TSHZ2: variants seen among roughly 807,000 people sequenced by gnomAD.
TSHZ2 encodes the protein teashirt zinc finger homeobox 2, also known as teashirt homolog 2.
In TSHZ2, 21 loss-of-function variants were observed where a neutral mutation model predicts 74.4. The ratio of observed to expected loss-of-function variants is 0.28; its 90% CI spans 0.20 to 0.41. The LOEUF (loss-of-function observed/expected upper bound fraction) is 0.41, where lower values mean the gene tolerates loss of function less well. Ranked by LOEUF, TSHZ2 falls within the 10% of genes least tolerant of loss-of-function variation. The pLI, the probability that TSHZ2 is intolerant of heterozygous loss-of-function variation, is 1.00. For synonymous variants in TSHZ2, 540 were observed against 515.3 expected (o/e 1.05, Z -0.65); for missense variants, 1,244 against 1,293.5 (o/e 0.96, Z 0.59).
intron 1 of TSHZ2, among the ~76,000 whole-genome samples, chr20:53,224,862 A>G (rs1238322341): frequency 6.6e-6 from 1 of 152,036 alleles, no homozygotes; most frequent in Non-Finnish European, 1.5e-5. Context: ...AAAAAAAAAA[A>G]AAAAAAAAGA....
At chr20:53,094,217 A>G (rs966637910) in intron 1 of TSHZ2, among the ~76,000 whole-genome samples, 1 of 152,238 alleles carries the variant, frequency 6.6e-6, no homozygotes, top group Non-Finnish European at 1.5e-5. Context: ...TTCTTTACAG[A>G]AAACATTTGC....
At chr20:53,363,321 A>C (rs1358989381) in intron 2 of TSHZ2, among the ~76,000 whole-genome samples, 3 of 152,220 alleles carry the variant, frequency 2.0e-5, no homozygotes, top group African/African-American at 7.2e-5. Flanking sequence ...TTAGAAGCCC[A>C]ACCTAACGTG....
chr20:53,237,451 A>G (rs1243111432), intron 1 of TSHZ2, among the ~76,000 whole-genome samples: 5 of 152,118 alleles, frequency 3.3e-5, no homozygotes, highest in Non-Finnish European at 5.9e-5. Flanking sequence ...TTTGTGCAAG[A>G]TGATATTGAC....
At chr20:53,238,665 A>G (rs1473013922) in intron 1 of TSHZ2, among the ~76,000 whole-genome samples, 1 of 152,022 alleles carries the variant, frequency 6.6e-6, no homozygotes, top group African/African-American at 2.4e-5. Flanking sequence ...GGATGTCTAT[A>G]TTGTTTTTGC....
chr20:53,019,116 C>CT (rs1983143204), intron 1 of TSHZ2, among the ~76,000 whole-genome samples: 2 of 152,154 alleles, frequency 1.3e-5, no homozygotes, highest in Non-Finnish European at 2.9e-5. Context: ...GTGCTGTACT[C>CT]TTTTCTGGCC....
intron 1 of TSHZ2, among the ~76,000 whole-genome samples, chr20:53,129,520 A>G (rs569445055): frequency 1.3e-5 from 2 of 152,328 alleles, no homozygotes; most frequent in African/African-American, 4.8e-5. Flanking sequence ...TATAGCTATA[A>G]TATATCAATA....
chr20:53,459,351 T>A (rs528265710), intron 2 of TSHZ2, among the ~76,000 whole-genome samples: 2 of 152,286 alleles, frequency 1.3e-5, no homozygotes, highest in Admixed American at 1.3e-4. Context: ...TGGTTTAAAG[T>A]CTGTTTTATC....
intron 2 of TSHZ2, among the ~76,000 whole-genome samples, chr20:53,346,753 G>A (rs1980456345): frequency 6.6e-6 from 1 of 152,236 alleles, no homozygotes; most frequent in Non-Finnish European, 1.5e-5. Flanking sequence ...GTAGGTCATT[G>A]AGCATGGATT....
chr20:53,048,224 C>T (rs571948050), intron 1 of TSHZ2, among the ~76,000 whole-genome samples: 1 of 152,184 alleles, frequency 6.6e-6, no homozygotes, highest in Non-Finnish European at 1.5e-5. Flanking sequence ...CCCATTCTGA[C>T]TTCTGGCCTT....
At position 53,073,766 on chromosome 20, in the gene TSHZ2, A is replaced by C. The variant is rs562324266; in HGVS notation, c.40+100433A>C. Among the ~76,000 whole-genome samples the C allele has an allele frequency of 2.6e-5, 4 of 152,344 alleles. No individual in the cohort carries two copies. In the East Asian group the frequency reaches 5.8e-4, roughly 22 times the overall value. ...ACTCCATTCCGTCAAGTTAAAAAAA[A>C]AAACTGGTCTATTTTCAGTTTTAGG... On this transcript the variant is annotated intron_variant, in intron 1 of 2. Transcript: ENST00000371497.
chr20:53,053,639 G>A (rs1303992912), intron 1 of TSHZ2, among the ~76,000 whole-genome samples: 1 of 151,992 alleles, frequency 6.6e-6, no homozygotes, highest in Non-Finnish European at 1.5e-5. Flanking sequence ...GTGCTCTTTA[G>A]GGAAATCAAT....
chr20:53,228,103 AACACACAC>A lies in TSHZ2; in HGVS notation c.41-25363_41-25356del, dbSNP rs10561638. Among the ~76,000 whole-genome samples the A allele has an allele frequency of 5.7e-3, 762 of 134,502 alleles. 2 individuals are homozygous for A. Among genetic ancestry groups the A allele is most frequent in the South Asian group, 0.011 (45 of 3,960 alleles). The allele number at this position is 134,502 out of a possible 152,430, so 88.2% of individuals were successfully genotyped here. On this transcript the variant is annotated intron_variant, in intron 1 of 2. Transcript: ENST00000371497. Reference sequence around the variant, plus strand: ...TACAGAGGTGGATGCTGGCCCCCAAAACACACACACACACACACACACACACACACACA... The same window carrying A: ...TACAGAGGTGGATGCTGGCCCCCAAAACACACACACACACACACACACACA...
At position 53,075,801 on chromosome 20, in the gene TSHZ2, C is replaced by T. The variant is rs929716209; in HGVS notation, c.40+102468C>T. Among the ~76,000 whole-genome samples, 16 of 152,272 alleles carry T rather than the reference C, an allele frequency of 1.1e-4. No individual in the cohort carries two copies. In the East Asian group the frequency reaches 3.1e-3, roughly 29 times the overall value. On this transcript the variant is annotated intron_variant, in intron 1 of 2. Coordinates refer to ENST00000371497, the MANE Select transcript of TSHZ2 (RefSeq NM_173485.6). ...ACGGCACACTGGGACAAGTCAGCCA[C>T]CATCGGTGGGAGCCAGGTTCTGCTG...
At chr20:53,346,424 G>A (rs1980440855) in intron 2 of TSHZ2, among the ~76,000 whole-genome samples, 3 of 152,188 alleles carry the variant, frequency 2.0e-5, no homozygotes, top group Admixed American at 1.3e-4. Flanking sequence ...CGGCTGGAAT[G>A]TCCTCTTTCC....
At chr20:53,061,408 C>T (rs898090734) in intron 1 of TSHZ2, among the ~76,000 whole-genome samples, 5 of 152,054 alleles carry the variant, frequency 3.3e-5, no homozygotes, top group Non-Finnish European at 7.4e-5. Context: ...AAAAGACACC[C>T]TGAGTCATTC....
At chr20:53,209,124 T>C (rs1179854912) in intron 1 of TSHZ2, among the ~76,000 whole-genome samples, 1 of 152,108 alleles carries the variant, frequency 6.6e-6, no homozygotes, top group Non-Finnish European at 1.5e-5. Flanking sequence ...AGATGGAGTC[T>C]CACTCTGTCA....
chr20:53,420,927 A>G (rs1007559188), intron 2 of TSHZ2, among the ~76,000 whole-genome samples: 5 of 152,206 alleles, frequency 3.3e-5, no homozygotes, highest in Admixed American at 6.6e-5. Flanking sequence ...TCACTCAAAC[A>G]TATTTGACTA....
At chr20:53,227,499 C>G (rs1600753576) in intron 1 of TSHZ2, among the ~76,000 whole-genome samples, 2 of 139,660 alleles carry the variant, frequency 1.4e-5, no homozygotes, top group Non-Finnish European at 3.2e-5. Flanking sequence ...CACACACACA[C>G]AGAGTAATAC....
chr20:53,298,707 C>T (rs557293067), intron 2 of TSHZ2, among the ~76,000 whole-genome samples: 2 of 152,196 alleles, frequency 1.3e-5, no homozygotes, highest in African/African-American at 2.4e-5. Context: ...GTGGCAGCAT[C>T]GATTTACCCT....
Sources: gnomAD v4.1 joint callset for allele counts (sites outside exome capture counted in the v4.1 genomes callset) on GRCh38, gnomAD v4.1.1 for gene constraint, MANE v1.5 for transcripts, NCBI Gene and HGNC (gene_info 2026-07-23, HGNC 2026-07-21) for gene names.